RUNX1: variants seen among roughly 807,000 people sequenced by gnomAD.
RUNX1 encodes the protein runt-related transcription factor 1.
Under a neutral mutation model 42.8 loss-of-function variants are expected in RUNX1, and 19 were observed. That is an observed-to-expected ratio of 0.44 (90% CI 0.31 to 0.65). The LOEUF (loss-of-function observed/expected upper bound fraction) is 0.65. Among genes scored for constraint, RUNX1 ranks in the 30% least tolerant of loss-of-function variants. The pLI, the probability that RUNX1 is intolerant of heterozygous loss-of-function variation, is 0.07. For missense variants in RUNX1, 528 were observed against 672.0 expected (o/e 0.79, Z 2.37); for synonymous variants, 271 against 289.4 (o/e 0.94, Z 0.64).
chr21:34,984,928 G>A (rs2058874095), intron 2 of RUNX1, among the ~76,000 whole-genome samples: 2 of 152,172 alleles, frequency 1.3e-5, no homozygotes, highest in African/African-American at 4.8e-5. Flanking sequence ...CAGAGGACAG[G>A]CTGCATGGTA....
intron 5 of RUNX1, among the ~76,000 whole-genome samples, chr21:34,878,914 T>G (rs1043887849): frequency 1.3e-5 from 2 of 152,246 alleles, no homozygotes; most frequent in African/African-American, 4.8e-5. Context: ...AAAACTTTTA[T>G]GACCAAAACC....
intron 2 of RUNX1, among the ~76,000 whole-genome samples, chr21:35,025,308 T>C (rs1471377253): frequency 2.0e-5 from 3 of 152,228 alleles, no homozygotes; most frequent in Admixed American, 6.5e-5. Flanking sequence ...CGATCATTCA[T>C]CAATCTGGCC....
chr21:34,866,474 T>G (rs752693405), intron 5 of RUNX1, among the ~76,000 whole-genome samples: 5 of 152,220 alleles, frequency 3.3e-5, no homozygotes, highest in Non-Finnish European at 4.4e-5. Context: ...TAACTAAGTA[T>G]AAAAATTAAC....
chr21:34,980,121 G>A (rs1282929192), intron 2 of RUNX1, among the ~76,000 whole-genome samples: 2 of 152,266 alleles, frequency 1.3e-5, no homozygotes, highest in Admixed American at 1.3e-4. Flanking sequence ...ATAAAGATCT[G>A]CTATTATTAC....
At chr21:34,936,698 C>T (rs1052405804) in intron 2 of RUNX1, among the ~76,000 whole-genome samples, 7 of 152,106 alleles carry the variant, frequency 4.6e-5, no homozygotes, top group Non-Finnish European at 1.0e-4. Context: ...GGATCCTGGC[C>T]GGGAGACCCC....
chr21:35,023,281 A>G (rs2059212741), intron 2 of RUNX1, among the ~76,000 whole-genome samples: 1 of 152,158 alleles, frequency 6.6e-6, no homozygotes, highest in African/African-American at 2.4e-5. Context: ...TTAATTTTGC[A>G]TGATGTCTTT....
At chr21:34,888,442 G>A in intron 3 of RUNX1, 1 of 1,067,026 alleles carries the variant, frequency 9.4e-7, no homozygotes, top group Non-Finnish European at 1.1e-6. Flanking sequence ...TTCGCAGCCA[G>A]GAAAGAAGTT....
intron 7 of RUNX1, chr21:34,821,833 G>T: frequency 1.4e-6 from 1 of 712,616 alleles, no homozygotes; most frequent in South Asian, 3.4e-5. Context: ...TTCTGGAATA[G>T]GAATAACAAG....
chr21:34,975,294 T>G (rs930494507), intron 2 of RUNX1, among the ~76,000 whole-genome samples: 3 of 152,274 alleles, frequency 2.0e-5, no homozygotes, highest in African/African-American at 7.2e-5. Flanking sequence ...TCTGCTTCTA[T>G]GGATTTAACC....
At chr21:34,856,292 C>G (rs1175176754) in intron 6 of RUNX1, 1 of 507,940 alleles carries the variant, frequency 2.0e-6, no homozygotes, top group African/African-American at 1.9e-5. Context: ...TAAGCTTGCA[C>G]GCATACCTCA....
intron 6 of RUNX1, among the ~76,000 whole-genome samples, chr21:34,851,811 A>G (rs1290362124): frequency 2.0e-5 from 3 of 152,250 alleles, no homozygotes; most frequent in African/African-American, 7.2e-5. Flanking sequence ...GGGTTTTCAC[A>G]TTACCTGGAA....
intron 2 of RUNX1, among the ~76,000 whole-genome samples, chr21:35,044,592 C>T (rs1018590218): frequency 2.4e-4 from 36 of 152,144 alleles, no homozygotes; most frequent in African/African-American, 8.7e-4. Context: ...AAAGAAAAGG[C>T]CATCACTGTG....
chr21:34,921,942 T>C (rs976298363), intron 2 of RUNX1, among the ~76,000 whole-genome samples: 1 of 152,170 alleles, frequency 6.6e-6, no homozygotes, highest in Non-Finnish European at 1.5e-5. Context: ...CCTACATAAT[T>C]GATTTTTAAA....
At chr21:34,939,924 A>T (rs893714404) in intron 2 of RUNX1, among the ~76,000 whole-genome samples, 1 of 152,092 alleles carries the variant, frequency 6.6e-6, no homozygotes, top group African/African-American at 2.4e-5. Context: ...GTAACCAAGC[A>T]TGCCTCTCCC....
Position 34,788,776 on chromosome 21 carries a change from G to T in RUNX1, c.*3359C>A, listed in dbSNP as rs1166432934. ...TGTATACGCTACGGTAAACAAAAAG[G>T]CATTTTGTTCAGATGTAAAATATGT... On this transcript the variant is annotated 3_prime_UTR_variant, in exon 9 of 9. Coordinates refer to ENST00000675419, the MANE Select transcript of RUNX1 (RefSeq NM_001754.5). 10 of 233,434 alleles carry T rather than the reference G, an allele frequency of 4.3e-5. No homozygotes were observed. The highest frequency in any genetic ancestry group is 1.8e-4 in the South Asian group (1 of 5,516). 14.5% of individuals were successfully genotyped at this position (233,434 alleles called of 1,614,324 possible).
intron 2 of RUNX1, among the ~76,000 whole-genome samples, chr21:34,948,741 T>TC (rs1555908792): frequency 6.6e-6 from 1 of 151,648 alleles, no homozygotes; most frequent in Non-Finnish European, 1.5e-5. Context: ...AGAATTTCTT[T>TC]CTTTTTTTTC....
At chr21:34,882,131 T>C (rs2057913985) in intron 4 of RUNX1, among the ~76,000 whole-genome samples, 1 of 152,218 alleles carries the variant, frequency 6.6e-6, no homozygotes, top group Non-Finnish European at 1.5e-5. Flanking sequence ...TAATTTTTTG[T>C]AGTATATATT....
chr21:34,804,642 A>G (rs916325496), intron 7 of RUNX1, among the ~76,000 whole-genome samples: 2 of 152,218 alleles, frequency 1.3e-5, no homozygotes, highest in South Asian at 4.1e-4. Flanking sequence ...TTGGAATTAC[A>G]AGACAGGGAA....
chr21:34,949,589 C>T (rs1290337181), intron 2 of RUNX1, among the ~76,000 whole-genome samples: 1 of 152,182 alleles, frequency 6.6e-6, no homozygotes, highest in Non-Finnish European at 1.5e-5. Flanking sequence ...CTACATTGGC[C>T]TCCCCTAGGT....
Sources: gnomAD v4.1 joint callset for allele counts (sites outside exome capture counted in the v4.1 genomes callset) on GRCh38, gnomAD v4.1.1 for gene constraint, MANE v1.5 for transcripts, NCBI Gene and HGNC (gene_info 2026-07-23, HGNC 2026-07-21) for gene names.